NOP9: variants seen among roughly 807,000 people sequenced by gnomAD.
The protein encoded by NOP9 is nucleolar protein 9.
A neutral mutation model predicts 63.0 loss-of-function variants in NOP9; 50 were observed. The observed-to-expected ratio is 0.79, with a 90% CI of 0.63 to 1.00. NOP9 has a LOEUF of 1.00. NOP9 is among the 50% of genes least tolerant of loss of function. The pLI, the probability that NOP9 is intolerant of heterozygous loss-of-function variation, is 0.00. For synonymous variants in NOP9, 343 were observed against 332.8 expected, an observed-to-expected ratio of 1.03 and a Z score of -0.33; for missense variants, 758 against 803.0, an observed-to-expected ratio of 0.94 and a Z score of 0.68.
At chr14:24,273,475 C>A in the NOP9 span, among the ~76,000 whole-genome samples, 2 of 152,036 alleles carry the variant, frequency 1.3e-5, no homozygotes, top group African/African-American at 4.8e-5. Context: ...CACCATGCCC[C>A]GCCAGTGCTT....
chr14:24,288,432 C>G, the NOP9 span, among the ~76,000 whole-genome samples: 2 of 152,084 alleles, frequency 1.3e-5, no homozygotes, highest in South Asian at 2.1e-4. Flanking sequence ...TCACTGCAAC[C>G]TCTGCCTTCC....
chr14:24,295,673 A>G (rs910337497), upstream of NOP9, among the ~76,000 whole-genome samples: 1 of 152,192 alleles, frequency 6.6e-6, no homozygotes, highest in Non-Finnish European at 1.5e-5. Flanking sequence ...ACACTGGCCA[A>G]TTTCCAGCTC....
the NOP9 span, chr14:24,290,631 G>A: frequency 2.0e-6 from 1 of 503,844 alleles, no homozygotes; most frequent in South Asian, 2.7e-5. Context: ...TTAGCTCCAA[G>A]AGCATTTTTC....
chr14:24,301,527 G>T, intron 2 of NOP9, 85 bp from the exon 3 acceptor site: 1 of 1,566,996 alleles, frequency 6.4e-7, no homozygotes, highest in South Asian at 1.1e-5. Flanking sequence ...TCTCCAAGCG[G>T]AATCCTTGTT....
At chr14:24,297,929 C>A (rs2041283667), upstream of NOP9, among the ~76,000 whole-genome samples, 3 of 152,210 alleles carry the variant, frequency 2.0e-5, 1 homozygote, top group South Asian at 6.2e-4. Flanking sequence ...TCTGGATGCT[C>A]CCCAACACCC....
chr14:24,274,697 C>T, the NOP9 span, among the ~76,000 whole-genome samples: 22 of 151,836 alleles, frequency 1.4e-4, no homozygotes, highest in African/African-American at 5.1e-4. Flanking sequence ...CCAGCTCTGC[C>T]TCCCAGGTTC....
rs772527305 is a variant in NOP9 at position 24,303,814 on chromosome 14, A to G, written c.1367A>G (p.Tyr456Cys). ...FATLMAYEVYYGLTEEEGAVP... is the reference protein window; with the variant it reads ...FATLMAYEVYCGLTEEEGAVP... ...ACTTTGATGGCTTATGAGGTGTACT[A>G]TGGACTGACGGAGGAGGAGGGGGCA... is the stretch of plus-strand genomic sequence containing the variant. Residue 456 changes from tyrosine to cysteine, a missense_variant, in exon 7 of 10, where the codon TAT (tyrosine) becomes TGT (cysteine). Transcript: ENST00000267425. The G allele has an allele frequency of 3.1e-6, 5 of 1,614,056 alleles. No individual in the cohort carries two copies. The highest frequency in any genetic ancestry group is 1.3e-5 in the African/African-American group (1 of 74,928).
chr14:24,291,049 C>T, the NOP9 span: 470,534 of 1,612,210 alleles, frequency 0.29, 76,949 homozygotes, highest in East Asian at 0.73. Context: ...TCCTCAGATA[C>T]CCTCACCTTG....
In NOP9 at chr14:24,304,222, T is replaced by C; in HGVS notation, c.1592T>C (p.Leu531Pro). The change falls in exon 8 of 10, where the codon CTG (leucine) becomes CCG (proline). Residue 531 changes from leucine (L) to proline (P), a missense_variant. Coordinates refer to ENST00000267425, the MANE Select transcript of NOP9 (RefSeq NM_174913.3). ...PAGSHVLDAI[L>P]TSPSVTRKLR... ...GGCTCTCATGTGCTCGATGCCATCC[T>C]GACCAGCCCCTCTGTGACGCGCAAG... 1 of 1,614,226 alleles carries C rather than the reference T, an allele frequency of 6.2e-7. No individual in the cohort carries two copies. The highest frequency in any genetic ancestry group is 8.5e-7 in the Non-Finnish European group (1 of 1,180,050).
In NOP9 at chr14:24,305,329, G is replaced by C. The variant is rs79217775; in HGVS notation, c.*234G>C. ...TTAGGGACAGGAGGCATTGGTAGGG[G>C]ATTAGATGTAGCAGCAGTCAGGCTG... On this transcript the variant is annotated 3_prime_UTR_variant, in exon 10 of 10. Coordinates refer to ENST00000267425, the MANE Select transcript of NOP9 (RefSeq NM_174913.3). 7 of 564,104 alleles carry C rather than the reference G, an allele frequency of 1.2e-5. No individual in the cohort carries two copies. In the East Asian group the frequency reaches 1.8e-4, roughly 15 times the overall value. 34.9% of individuals were successfully genotyped at this position (564,104 alleles called of 1,614,324 possible). A position where few individuals can be genotyped will look rare whatever the true frequency, so the allele number is the denominator to read the frequency against.
In NOP9 at chr14:24,306,160, C is replaced by T. The variant is rs769510745; in HGVS notation, c.*1065C>T. 13 of 1,606,202 alleles carry T rather than the reference C, an allele frequency of 8.1e-6. No individual in the cohort carries two copies. Among genetic ancestry groups the T allele is most frequent in the Middle Eastern group, 1.8e-4 (1 of 5,706 alleles). Reference sequence around the variant, plus strand: ...ACTCTGTAGGACACCCTTGTCAGTGCAGTAGATCCTCATACCAGACACCCA... The same window carrying T: ...ACTCTGTAGGACACCCTTGTCAGTGTAGTAGATCCTCATACCAGACACCCA... On this transcript the variant is annotated 3_prime_UTR_variant, in exon 10 of 10. Coordinates refer to ENST00000267425, the MANE Select transcript of NOP9 (RefSeq NM_174913.3).
upstream of NOP9, chr14:24,296,422 A>T: frequency 7.7e-7 from 1 of 1,302,982 alleles, no homozygotes; most frequent in Non-Finnish European, 1.1e-6. Context: ...GGCCGGAGGG[A>T]AAAGGAGAGG....
Position 24,308,224 on chromosome 14 carries a change from G to A in NOP9, c.*3129G>A. On this transcript the variant is annotated 3_prime_UTR_variant, in exon 10 of 10. Transcript: ENST00000267425. Reference sequence around the variant, plus strand: ...GAGGGAATTTCTGGGGACGGTTTCTGGCTCTCAGGCTCTGAGAAGCTGCAG... The same window carrying A: ...GAGGGAATTTCTGGGGACGGTTTCTAGCTCTCAGGCTCTGAGAAGCTGCAG... 1 of 299,334 alleles carries A rather than the reference G, an allele frequency of 3.3e-6. No homozygotes were observed. Among genetic ancestry groups the A allele is most frequent in the Non-Finnish European group, 6.5e-6 (1 of 154,922 alleles). 18.5% of individuals were successfully genotyped at this position (299,334 alleles called of 1,614,324 possible).
At chr14:24,294,500 A>G in the NOP9 span, 1 of 152,116 alleles carries the variant, frequency 6.6e-6, no homozygotes, top group African/African-American at 2.4e-5. Context: ...GAGGTATGAG[A>G]ATCGCTTGAA....
chr14:24,306,415 G>A lies in NOP9; in HGVS notation c.*1320G>A. ...CTCTGACCAGACTGCAACACCATCA[G>A]GCACGTGTCATCCTCCAGCAGCTGG... On this transcript the variant is annotated 3_prime_UTR_variant, in exon 10 of 10. Transcript: ENST00000267425. 6.2e-7 allele frequency: 1 copy of A among 1,614,200 alleles called. No individual in the cohort carries two copies. The highest frequency in any genetic ancestry group is 8.5e-7 in the Non-Finnish European group (1 of 1,180,044).
At chr14:24,290,550 C>A in the NOP9 span, 1 of 306,064 alleles carries the variant, frequency 3.3e-6, no homozygotes, top group Non-Finnish European at 6.2e-6. Context: ...GTCTTTCTCC[C>A]AAATTGTTAA....
rs759297934 is a variant in NOP9 at position 24,302,425 on chromosome 14, G to A, written c.1143+1G>A. The A allele has an allele frequency of 6.2e-7, 1 of 1,603,958 alleles. No individual in the cohort carries two copies. Among genetic ancestry groups the A allele is most frequent in the South Asian group, 1.1e-5 (1 of 90,766 alleles). ...GGATGCAGTCACTACCCCTGAGCTGGTGAGTTGGAAACCTGAGCTGGATCT... is the reference window on the plus strand; with the variant it reads ...GGATGCAGTCACTACCCCTGAGCTGATGAGTTGGAAACCTGAGCTGGATCT... On this transcript the variant is annotated splice_donor_variant, in intron 5 of 9. Transcript: ENST00000267425. LOFTEE classifies it high-confidence loss of function.
At chr14:24,300,252 C>A in intron 1 of NOP9, 51 bp downstream of exon 1, 1 of 1,598,098 alleles carries the variant, frequency 6.3e-7, no homozygotes, top group South Asian at 1.1e-5. Context: ...CCAGGGCAGG[C>A]AAGGAAACTT....
At chr14:24,298,172 A>G (rs2041293170), upstream of NOP9, among the ~76,000 whole-genome samples, 1 of 152,152 alleles carries the variant, frequency 6.6e-6, no homozygotes, top group Non-Finnish European at 1.5e-5. Context: ...CAGCCTCCCA[A>G]GTAGATGGTA....
Sources: allele counts gnomAD v4.1 joint callset (sites outside exome capture counted in the v4.1 genomes callset), GRCh38; gene constraint gnomAD v4.1.1; transcripts MANE v1.5; gene names NCBI Gene and HGNC (gene_info 2026-07-23, HGNC 2026-07-21).